Variants in AP1G1 observed in about 807,000 individuals in gnomAD.
AP1G1 encodes adaptor related protein complex 1 subunit gamma 1.
Under a neutral mutation model 108.3 loss-of-function variants are expected in AP1G1, and 7 were observed. That is an observed-to-expected ratio of 0.06 (90% CI 0.04 to 0.12). The LOEUF is 0.12. Among genes scored for constraint, AP1G1 ranks in the 10% least tolerant of loss-of-function variants. The pLI, the probability that AP1G1 is intolerant of heterozygous loss-of-function variation, is 1.00. For synonymous variants in AP1G1, 379 were observed against 353.5 expected, an observed-to-expected ratio of 1.07 and a Z score of -0.81; for missense variants, 756 against 1,010.7, an observed-to-expected ratio of 0.75 and a Z score of 3.42.
At chr16:71,791,964 G>A (rs1000905425) in intron 1 of AP1G1, among the ~76,000 whole-genome samples, 2 of 151,980 alleles carry the variant, frequency 1.3e-5, no homozygotes, top group African/African-American at 4.8e-5. Flanking sequence ...GTTTCACCAT[G>A]TTGGTCAGGT....
In AP1G1 at chr16:71,746,592, T is replaced by A. The variant is rs773296455; in HGVS notation, c.1726A>T (p.Met576Leu). The A allele has an allele frequency of 3.8e-6, 6 of 1,599,598 alleles. No individual in the cohort carries two copies. The highest frequency in any genetic ancestry group is 5.1e-6 in the Non-Finnish European group (6 of 1,169,294). Residue 576 changes from methionine (M) to leucine (L), a missense_variant, in exon 17 of 23, where the codon ATG (methionine) becomes TTG (leucine). Physicochemically the swap from Met to Leu is conservative, Grantham distance 15. This residue lies in a region of AP1G1 where 357 missense variants were observed against 366.5 expected (regional missense o/e 0.97). Transcript: ENST00000299980. ...YNALFKKYDH[M>L]RSALLERMPV... ...TGCTTAGTTTCTTTCGCTCACCTCA[T>A]GTGGTCATATTTCTTGAAAAGTGCA...
chr16:71,776,296 C>A (rs533560221), intron 2 of AP1G1, among the ~76,000 whole-genome samples: 27 of 152,156 alleles, frequency 1.8e-4, no homozygotes, highest in Non-Finnish European at 3.5e-4. Context: ...TATACTATCA[C>A]GAGCATTTCA....
At chr16:71,796,035 A>G (rs1207281964) in intron 1 of AP1G1, among the ~76,000 whole-genome samples, 1 of 152,186 alleles carries the variant, frequency 6.6e-6, no homozygotes, top group Non-Finnish European at 1.5e-5. Context: ...CCAGGAGTTC[A>G]AGACCAGCCT....
intron 1 of AP1G1, among the ~76,000 whole-genome samples, chr16:71,801,826 G>A (rs2032810518): frequency 6.6e-6 from 1 of 151,616 alleles, no homozygotes; most frequent in African/African-American, 2.4e-5. Context: ...GGAGACTGAG[G>A]CAGGAGAATG....
rs538494120 is a variant in AP1G1, at chr16:71,750,411, G to A, written c.1285-79C>T. 7 of 1,546,840 alleles carry A rather than the reference G, an allele frequency of 4.5e-6. No homozygotes were observed. The African/African-American group carries it at 5.5e-5, about 12-fold the overall frequency. ...AAGTGTTAGCTATTATTATTACTGTGTGTTTTTTCCTTTCTTTTTTTGAGA... is the reference window on the plus strand; with the variant it reads ...AAGTGTTAGCTATTATTATTACTGTATGTTTTTTCCTTTCTTTTTTTGAGA... On this transcript the variant is annotated intron_variant, in intron 13 of 22. Coordinates refer to ENST00000299980, the MANE Select transcript of AP1G1 (RefSeq NM_001128.6).
intron 9 of AP1G1, among the ~76,000 whole-genome samples, chr16:71,762,348 A>G (rs2031128562): frequency 6.6e-6 from 1 of 152,190 alleles, no homozygotes; most frequent in Admixed American, 6.5e-5. Context: ...TTCCTGGCAT[A>G]CAACTCCTAA....
chr16:71,755,890 T>G, intron 12 of AP1G1, 129 bp downstream of exon 12: 1 of 947,376 alleles, frequency 1.1e-6, no homozygotes. Flanking sequence ...ATGATCCACC[T>G]GCCTTGGCCT....
Position 71,776,500 on chromosome 16 carries a change from G to T in AP1G1, c.202-1908C>A, listed in dbSNP as rs189461288. On this transcript the variant is annotated intron_variant, in intron 2 of 22. Transcript: ENST00000299980. ...ACAGAAAATTTACTAAGGTGAATGA[G>T]AAAATCAGAAGCTAAAATATTATCA... is the stretch of plus-strand genomic sequence containing the variant. Among the ~76,000 whole-genome samples the T allele has an allele frequency of 2.0e-3, 310 of 152,284 alleles. 1 individual carries two copies. The highest frequency in any genetic ancestry group is 2.6e-3 in the Admixed American group (40 of 15,284).
intron 7 of AP1G1, among the ~76,000 whole-genome samples, chr16:71,765,116 G>A (rs1034918089): frequency 6.6e-6 from 1 of 152,142 alleles, no homozygotes; most frequent in Non-Finnish European, 1.5e-5. Flanking sequence ...TGAGGGGGGC[G>A]GGCTACTTGA....
At chr16:71,738,871 C>G in intron 21 of AP1G1, 71 bp downstream of exon 21, 1 of 1,374,548 alleles carries the variant, frequency 7.3e-7, no homozygotes, top group Non-Finnish European at 1.0e-6. Flanking sequence ...ATATCCTTTA[C>G]CAAACACATG....
chr16:71,752,484 A>G (rs2030558609), intron 13 of AP1G1, among the ~76,000 whole-genome samples: 1 of 152,160 alleles, frequency 6.6e-6, no homozygotes, highest in Non-Finnish European at 1.5e-5. Context: ...ATAAGTCATA[A>G]TTTCAATGAT....
chr16:71,771,317 T>TA (rs1225625707), intron 4 of AP1G1, 65 bp from the exon 5 acceptor site: 1 of 934,074 alleles, frequency 1.1e-6, no homozygotes, highest in Non-Finnish European at 1.5e-6. Flanking sequence ...CCAATCTTAT[T>TA]AAAAAACCAC....
chr16:71,754,781 C>T (rs2030691300), intron 12 of AP1G1, among the ~76,000 whole-genome samples: 1 of 149,722 alleles, frequency 6.7e-6, no homozygotes, highest in Non-Finnish European at 1.5e-5. Context: ...GCCTGGGTGA[C>T]AGAGCAAGAC....
Position 71,745,542 on chromosome 16 carries a change from T to C in AP1G1, c.1803A>G (p.Thr601=). 1 of 1,614,204 alleles carries C rather than the reference T, an allele frequency of 6.2e-7. No homozygotes were observed. The highest frequency in any genetic ancestry group is 1.1e-5 in the South Asian group (1 of 91,082). Residue 601 remains threonine, a synonymous_variant, in exon 18 of 23, where the codon ACA becomes ACG. Coordinates refer to ENST00000299980, the MANE Select transcript of AP1G1 (RefSeq NM_001128.6). ...GTGGAGCTGGTTCTGTCTCTCCATT[T>C]GTCTGCACAATCTCAGTAGGGCCAT... ...TTNGPTEIVQ[T]NGETEPAPLE...
chr16:71,771,998 T>C (rs376682296), intron 4 of AP1G1, among the ~76,000 whole-genome samples: 17 of 152,344 alleles, frequency 1.1e-4, no homozygotes, highest in Admixed American at 9.1e-4. Context: ...CTGATTTTTG[T>C]ATATCCCCCA....
At chr16:71,805,197 C>T (rs2032955576) in intron 1 of AP1G1, among the ~76,000 whole-genome samples, 1 of 152,162 alleles carries the variant, frequency 6.6e-6, no homozygotes, top group Admixed American at 6.5e-5. Flanking sequence ...CCTGTAATCC[C>T]AGCACTTTGG....
intron 6 of AP1G1, chr16:71,767,953 T>TA: frequency 1.3e-6 from 2 of 1,520,706 alleles, no homozygotes; most frequent in Non-Finnish European, 1.8e-6. Context: ...TAGGGACAGA[T>TA]ACGGGTCTCA....
At chr16:71,803,907 G>A (rs1294562010) in intron 1 of AP1G1, among the ~76,000 whole-genome samples, 1 of 140,874 alleles carries the variant, frequency 7.1e-6, no homozygotes, top group Non-Finnish European at 1.5e-5. Flanking sequence ...CTGGGCAACA[G>A]AGGAGGACTC....
At chr16:71,804,733 T>G (rs1171783225) in intron 1 of AP1G1, among the ~76,000 whole-genome samples, 1 of 152,082 alleles carries the variant, frequency 6.6e-6, no homozygotes, top group African/African-American at 2.4e-5. Context: ...AAATTGCTTG[T>G]GGGCAAGGCA....
Sources: allele counts gnomAD v4.1 joint callset (sites outside exome capture counted in the v4.1 genomes callset), GRCh38; gene constraint gnomAD v4.1.1; regional missense constraint gnomAD v4.1.1; transcripts MANE v1.5; gene names NCBI Gene and HGNC (gene_info 2026-07-23, HGNC 2026-07-21).